HECTD2: variants seen among roughly 807,000 people sequenced by gnomAD.
HECTD2 encodes probable E3 ubiquitin-protein ligase HECTD2.
Under a neutral mutation model 103.2 loss-of-function variants are expected in HECTD2, and 35 were observed. That is an observed-to-expected ratio of 0.34 (90% CI 0.26 to 0.45). The LOEUF (loss-of-function observed/expected upper bound fraction) is 0.45. Ranked by LOEUF, HECTD2 falls within the 20% of genes least tolerant of loss-of-function variation. The pLI, the probability that HECTD2 is intolerant of heterozygous loss-of-function variation, is 1.00. For missense variants in HECTD2, 596 were observed against 937.4 expected, an observed-to-expected ratio of 0.64 and a Z score of 4.76; for synonymous variants, 281 against 329.9, an observed-to-expected ratio of 0.85 and a Z score of 1.61.
rs116173425 is a variant in HECTD2 at position 91,501,981 on chromosome 10, A to G, written c.2210+647A>G. Among the ~76,000 whole-genome samples, 359 of 152,062 alleles carry G rather than the reference A, an allele frequency of 2.4e-3. 3 individuals carry two copies. Among genetic ancestry groups the G allele is most frequent in the African/African-American group, 8.4e-3 (347 of 41,494 alleles). ...CTGCCCCATACATTGAACATTCCCTAAGTGCTCTTAGTTCTTCCTTTCATT... is the reference window on the plus strand; with the variant it reads ...CTGCCCCATACATTGAACATTCCCTGAGTGCTCTTAGTTCTTCCTTTCATT... On this transcript the variant is annotated intron_variant, in intron 20 of 20. Transcript: ENST00000298068.
chr10:91,503,649 G>GC (rs1458365931), intron 20 of HECTD2, among the ~76,000 whole-genome samples: 2 of 152,298 alleles, frequency 1.3e-5, no homozygotes, highest in South Asian at 4.1e-4. Flanking sequence ...CTCGCTGATG[G>GC]CTAGCGCAGC....
intron 11 of HECTD2, chr10:91,489,227 A>G (rs1846374999): frequency 6.6e-6 from 1 of 152,158 alleles, no homozygotes; most frequent in African/African-American, 2.4e-5. Flanking sequence ...TCTACAGAGC[A>G]TGCAAACGAA....
upstream of HECTD2, among the ~76,000 whole-genome samples, chr10:91,409,633 G>A (rs1207715955): frequency 6.6e-6 from 1 of 152,092 alleles, no homozygotes; most frequent in Non-Finnish European, 1.5e-5. Flanking sequence ...GGCCCACCAC[G>A]TCGCACTCCT....
rs773774144 is a variant in HECTD2 at position 91,460,474 on chromosome 10, A to G, written c.316A>G (p.Thr106Ala). 9.3e-6 allele frequency: 15 copies of G among 1,611,984 alleles called. No individual in the cohort carries two copies. The East Asian group carries it at 3.1e-4, about 34-fold the overall frequency. The change falls in exon 3 of 21, where the codon ACA becomes GCA. Residue 106 changes from threonine to alanine, a missense_variant. Thr to Ala is a moderately conservative substitution (Grantham distance 58, BLOSUM62 0). Coordinates refer to ENST00000298068, the MANE Select transcript of HECTD2 (RefSeq NM_182765.6). ...ICLDVRQKQR[T>A]SMDASSSEMK... ...CCTTGATGTTAGACAAAAACAGCGT[A>G]CATCTATGGATGCATCATCATCCGA...
chr10:91,474,573 T>G (rs998145369), intron 5 of HECTD2, among the ~76,000 whole-genome samples: 3 of 152,162 alleles, frequency 2.0e-5, no homozygotes, highest in Admixed American at 2.0e-4. Context: ...GATTTTTATT[T>G]GCATCTTGGA....
At chr10:91,481,236 C>A in intron 7 of HECTD2, 97 bp downstream of exon 7, 1 of 555,200 alleles carries the variant, frequency 1.8e-6, no homozygotes. Context: ...TCATTTTGGG[C>A]AACATTATTG....
chr10:91,493,652 C>T, intron 14 of HECTD2, 144 bp downstream of exon 14: 1 of 496,080 alleles, frequency 2.0e-6, no homozygotes, highest in Non-Finnish European at 3.5e-6. Context: ...TTTCAGTAAT[C>T]TTCATTATGT....
Position 91,491,295 on chromosome 10 carries a change from T to C in HECTD2, c.1287T>C (p.Asp429=). The C allele has an allele frequency of 6.9e-7, 1 of 1,447,154 alleles. No individual in the cohort carries two copies. Among genetic ancestry groups the C allele is most frequent in the Non-Finnish European group, 9.6e-7 (1 of 1,039,270 alleles). The allele number at this position is 1,447,154 out of a possible 1,614,324, so 89.6% of individuals were successfully genotyped here. A position where few individuals can be genotyped will look rare whatever the true frequency, so the allele number is the denominator to read the frequency against. ...MKVRRTHLVS[D]SLDELTRKRA... ...TAAGACGGACACATCTGGTTAGCGA[T>C]TCACTTGATGAGGTATAATTTATTC... Residue 429 remains aspartate (D), a synonymous_variant, in exon 12 of 21, where the codon GAT becomes GAC. Transcript: ENST00000298068.
intron 2 of HECTD2, among the ~76,000 whole-genome samples, chr10:91,428,113 G>C (rs1407158771): frequency 6.6e-6 from 1 of 150,904 alleles, no homozygotes; most frequent in Non-Finnish European, 1.5e-5. Flanking sequence ...AGTTTTCCCA[G>C]CACCATTTAT....
rs111886488 is a variant in HECTD2, at chr10:91,461,231, C to A, written c.408-23C>A. On this transcript the variant is annotated intron_variant, in intron 3 of 20. Coordinates refer to ENST00000298068, the MANE Select transcript of HECTD2 (RefSeq NM_182765.6). ...TGAATAATATTTCTATATGTATATA[C>A]GGTTAATGTGTTTTCATTTTAGGGA... 5.7e-5 allele frequency: 59 copies of A among 1,041,282 alleles called. No individual in the cohort carries two copies. The South Asian group carries it at 6.7e-4, about 12-fold the overall frequency. The allele number at this position is 1,041,282 out of a possible 1,614,324, so 64.5% of individuals were successfully genotyped here. A position where few individuals can be genotyped will look rare whatever the true frequency, so the allele number is the denominator to read the frequency against.
At chr10:91,467,824 C>G (rs970211141) in intron 5 of HECTD2, among the ~76,000 whole-genome samples, 1 of 152,132 alleles carries the variant, frequency 6.6e-6, no homozygotes, top group Non-Finnish European at 1.5e-5. Flanking sequence ...GGCATGTGGG[C>G]ACCCAATCAT....
intron 11 of HECTD2, chr10:91,489,573 A>C (rs1026726347): frequency 1.3e-5 from 2 of 152,186 alleles, no homozygotes; most frequent in Non-Finnish European, 2.9e-5. Context: ...TTAGCATCCT[A>C]GCATAAATTT....
chr10:91,483,782 T>C (rs376231255), intron 8 of HECTD2, among the ~76,000 whole-genome samples: 3 of 152,090 alleles, frequency 2.0e-5, no homozygotes, highest in Non-Finnish European at 2.9e-5. Context: ...AATCAGTATA[T>C]AACTTTGCTT....
At chr10:91,506,339 G>T (rs1306012577) in intron 20 of HECTD2, among the ~76,000 whole-genome samples, 1 of 151,552 alleles carries the variant, frequency 6.6e-6, no homozygotes, top group African/African-American at 2.4e-5. Flanking sequence ...CCAGGAGCTG[G>T]TTTTTTGAAA....
intron 2 of HECTD2, among the ~76,000 whole-genome samples, chr10:91,428,411 A>G (rs1843672408): frequency 6.6e-6 from 1 of 151,630 alleles, no homozygotes; most frequent in African/African-American, 2.4e-5. Flanking sequence ...CAGTTCTGTG[A>G]AGAAAGTCAT....
intron 1 of HECTD2, among the ~76,000 whole-genome samples, chr10:91,416,973 A>C (rs1287627033): frequency 6.6e-6 from 1 of 152,186 alleles, no homozygotes; most frequent in Non-Finnish European, 1.5e-5. Flanking sequence ...AGCCTTCAAA[A>C]GGTGTACAGA....
intron 1 of HECTD2, among the ~76,000 whole-genome samples, chr10:91,424,118 A>G (rs1050182569): frequency 6.6e-6 from 1 of 152,162 alleles, no homozygotes; most frequent in African/African-American, 2.4e-5. Context: ...CAGATGCTCT[A>G]ACATGTCAAC....
Position 91,501,323 on chromosome 10 carries a change from T to G in HECTD2, c.2199T>G (p.Thr733=), listed in dbSNP as rs768285355. 1.9e-6 allele frequency: 3 copies of G among 1,587,570 alleles called. No homozygotes were observed. Among genetic ancestry groups the G allele is most frequent in the South Asian group, 2.3e-5 (2 of 86,618 alleles). Residue 733 remains threonine, a synonymous_variant, in exon 20 of 21, where the codon ACT becomes ACG. Coordinates refer to ENST00000298068, the MANE Select transcript of HECTD2 (RefSeq NM_182765.6). ...DLNFKISKNE[T]STNCLPVAHT... is the part of the protein sequence containing the mutation. ...ACTTTAAAATCTCAAAGAATGAAACTTCTACTAACTGGTAAATTTCTGGAT... is the reference window on the plus strand; with the variant it reads ...ACTTTAAAATCTCAAAGAATGAAACGTCTACTAACTGGTAAATTTCTGGAT...
upstream of HECTD2, chr10:91,410,304 G>A (rs1329702239): frequency 2.9e-5 from 9 of 309,354 alleles, no homozygotes; most frequent in Admixed American, 6.4e-5. Context: ...GCGGGCGGGG[G>A]CGGAGTGGCG....
Sources: gnomAD v4.1 joint callset for allele counts (sites outside exome capture counted in the v4.1 genomes callset) on GRCh38, gnomAD v4.1.1 for gene constraint, MANE v1.5 for transcripts, NCBI Gene and HGNC (gene_info 2026-07-23, HGNC 2026-07-21) for gene names.